The following LIMS2 variants were observed in gnomAD, a reference collection of about 807,000 sequenced individuals.
The protein encoded by LIMS2 is LIM zinc finger domain containing 2.
In LIMS2, 30 loss-of-function variants were observed where a neutral mutation model predicts 45.3. That is an observed-to-expected ratio of 0.66 (90% confidence interval 0.50 to 0.90). The LOEUF is 0.90. LIMS2 is among the 40% of genes least tolerant of loss of function. The pLI is 0.00. For synonymous variants in LIMS2, 173 were observed against 188.0 expected, an observed-to-expected ratio of 0.92 and a Z score of 0.65; for missense variants, 485 against 468.7, an observed-to-expected ratio of 1.03 and a Z score of -0.32.
chr2:127,654,451 T>C lies in LIMS2; in HGVS notation c.332A>G (p.Asp111Gly). 1 of 1,614,100 alleles carries C rather than the reference T, an allele frequency of 6.2e-7. No individual in the cohort carries two copies. Among genetic ancestry groups the C allele is most frequent in the Non-Finnish European group, 8.5e-7 (1 of 1,179,988 alleles). The change falls in exon 4 of 10, where the codon GAC becomes GGC. Residue 111 changes from aspartate to glycine, a missense_variant. Asp to Gly is a moderately conservative substitution (Grantham distance 94). Transcript: ENST00000355119. Reference sequence around the variant, plus strand: ...GCCGGCATTCTTCACAAAGCCCAGGTCAGCCAGCTCCACATCACACAGCTC... The same window carrying C: ...GCCGGCATTCTTCACAAAGCCCAGGCCAGCCAGCTCCACATCACACAGCTC... Reference protein sequence around the residue: ...RCELCDVELADLGFVKNAGRH... With the variant: ...RCELCDVELAGLGFVKNAGRH...
upstream of LIMS2, among the ~76,000 whole-genome samples, chr2:127,676,823 C>T (rs890631025): frequency 2.6e-5 from 4 of 152,146 alleles, no homozygotes; most frequent in East Asian, 1.9e-4. Context: ...ATGCTGGGGC[C>T]GTGCACCAGA....
intron 1 of LIMS2, among the ~76,000 whole-genome samples, chr2:127,660,674 A>G (rs553941757): frequency 6.6e-6 from 1 of 151,188 alleles, no homozygotes; most frequent in East Asian, 1.9e-4. Flanking sequence ...TGTAACACTC[A>G]CCGTGAGGGT....
chr2:127,675,288 T>TGGGGGC lies in LIMS2; in HGVS notation c.-265_-264insGCCCCC, dbSNP rs1271965232. On this transcript the variant is annotated 5_prime_UTR_variant, in exon 1 of 10. Transcript: ENST00000355119. ...CGGTGGGAGGTTGCGGGAGTATAGG[T>TGGGGGC]GGGGGTGGGGGTGGCAGGTGGGGGT... 1 of 73,294 alleles carries TGGGGGC rather than the reference T, an allele frequency of 1.4e-5. No individual in the cohort carries two copies. Among genetic ancestry groups the TGGGGGC allele is most frequent in the Admixed American group, 1.3e-4 (1 of 7,568 alleles). 4.5% of individuals were successfully genotyped at this position (73,294 alleles called of 1,614,324 possible).
At chr2:127,673,546 G>A (rs1685367871) in intron 1 of LIMS2, 1 of 899,326 alleles carries the variant, frequency 1.1e-6, no homozygotes, top group Non-Finnish European at 1.7e-6. Flanking sequence ...AAGGCCCAAG[G>A]GACTCAGGGG....
Position 127,653,981 on chromosome 2 carries a change from T to C in LIMS2, c.359+443A>G, listed in dbSNP as rs868852023. 6.6e-6 allele frequency among the ~76,000 whole-genome samples: 1 copy of C among 151,790 alleles called. No individual in the cohort carries two copies. Among genetic ancestry groups the C allele is most frequent in the African/African-American group, 2.4e-5 (1 of 41,286 alleles). The stretch of plus-strand genomic sequence containing the variant: ...AGGTGGGAGACAAGGCCACCTGCTA[T>C]AGGGACAGTGCTTGGGAAGGGAGGA... On this transcript the variant is annotated intron_variant, in intron 4 of 9. Transcript: ENST00000355119. The surrounding 1 kb of genome is among the most constrained non-coding windows in gnomAD (Gnocchi z 5.3).
At chr2:127,646,697 G>C (rs751000754) in intron 4 of LIMS2, 1 of 152,594 alleles carries the variant, frequency 6.6e-6, no homozygotes, top group Admixed American at 6.5e-5. Flanking sequence ...CTAGATGCTC[G>C]ACTCACCCAC....
chr2:127,653,160 C>T lies in LIMS2; in HGVS notation c.359+1264G>A, dbSNP rs1252468394. Among the ~76,000 whole-genome samples, 2 of 152,196 alleles carry T rather than the reference C, an allele frequency of 1.3e-5. No homozygotes were observed. Among genetic ancestry groups the T allele is most frequent in the African/African-American group, 4.8e-5 (2 of 41,440 alleles). ...GGGCCGGACGCCAGGCCCCAGGCCA[C>T]GTGCCTCTCTCACGGGCAGCACACG... On this transcript the variant is annotated intron_variant, in intron 4 of 9. Transcript: ENST00000355119. This position sits in a 1 kb window ranked among gnomAD's most constrained non-coding sequence, Gnocchi z 5.3.
At chr2:127,650,922 G>A (rs143816482) in intron 4 of LIMS2, 276 of 1,614,014 alleles carry the variant, frequency 1.7e-4, no homozygotes, top group Non-Finnish European at 2.1e-4. Flanking sequence ...CCACAAGTCC[G>A]GGACCCCGGC....
Position 127,653,470 on chromosome 2 carries a change from G to A in LIMS2, c.359+954C>T, listed in dbSNP as rs1684004328. On this transcript the variant is annotated intron_variant, in intron 4 of 9. Transcript: ENST00000355119. This position sits in a 1 kb window ranked among gnomAD's most constrained non-coding sequence, Gnocchi z 5.3. ...GAGAGAGAGGCCTGAAGTGGAGCCT[G>A]GAATTCTCCAGACACATGTGCCATT... 2.6e-5 allele frequency among the ~76,000 whole-genome samples: 4 copies of A among 152,154 alleles called. No individual in the cohort carries two copies. The South Asian group carries it at 8.3e-4, about 32-fold the overall frequency.
In LIMS2 at chr2:127,641,004, G is replaced by A. The variant is rs192426117; in HGVS notation, c.661-16C>T. 318 of 1,611,644 alleles carry A rather than the reference G, an allele frequency of 2.0e-4. 4 individuals carry two copies. The African/African-American group carries it at 3.9e-3, about 20-fold the overall frequency. On this transcript the variant is annotated splice_polypyrimidine_tract_variant and intron_variant, in intron 6 of 9. Transcript: ENST00000355119. ...AGACAAAGTGCTGCAAGGACAAAGG[G>A]CGGGCCGGGTGGCATCAGGGCTAGA...
intron 1 of LIMS2, among the ~76,000 whole-genome samples, chr2:127,662,176 C>T (rs1298354247): frequency 2.6e-5 from 4 of 152,220 alleles, no homozygotes; most frequent in Non-Finnish European, 5.9e-5. Flanking sequence ...ACCTGCAGCA[C>T]AGGACTCTGA....
rs1213543713 is a variant in LIMS2 at position 127,664,409 on chromosome 2, A to AGGTCGC, written c.12-6853_12-6848dup. ...GCCATGGCGCGGGGCAGCCGCCTTG[A>AGGTCGC]GGTCGCGGGCGCGGGCCGCCTGGTG... On this transcript the variant is annotated intron_variant, in intron 1 of 9. Transcript: ENST00000355119. The surrounding 1 kb of genome is among the most constrained non-coding windows in gnomAD (Gnocchi z 5.5). The AGGTCGC allele has an allele frequency of 8.4e-7, 1 of 1,197,232 alleles. No homozygotes were observed. Among genetic ancestry groups the AGGTCGC allele is most frequent in the East Asian group, 3.5e-5 (1 of 28,414 alleles). The allele number at this position is 1,197,232 out of a possible 1,614,324, so 74.2% of individuals were successfully genotyped here. A position where few individuals can be genotyped will look rare whatever the true frequency, so the allele number is the denominator to read the frequency against.
At chr2:127,676,662 G>A (rs1024892779), upstream of LIMS2, among the ~76,000 whole-genome samples, 1 of 152,076 alleles carries the variant, frequency 6.6e-6, no homozygotes, top group Non-Finnish European at 1.5e-5. Context: ...CGACTGTCTC[G>A]AGTTATTACT....
rs1008060407 is a variant in LIMS2, at chr2:127,672,739, C to T, written c.11+2275G>A. Reference sequence around the variant, plus strand: ...CACCCATGGGTTCATCTGCAGACAGCATGGCCACACATGCCACTCCAGGTC... The same window carrying T: ...CACCCATGGGTTCATCTGCAGACAGTATGGCCACACATGCCACTCCAGGTC... On this transcript the variant is annotated intron_variant, in intron 1 of 9. Coordinates refer to ENST00000355119, the MANE Select transcript of LIMS2 (RefSeq NM_001161403.3). This position sits in a 1 kb window ranked among gnomAD's most constrained non-coding sequence, Gnocchi z 4.9. Among the ~76,000 whole-genome samples, 4 of 152,240 alleles carry T rather than the reference C, an allele frequency of 2.6e-5. No homozygotes were observed. The highest frequency in any genetic ancestry group is 9.6e-5 in the African/African-American group (4 of 41,470).
At position 127,642,914 on chromosome 2, in the gene LIMS2, C is replaced by T. The variant is rs886038642; in HGVS notation, c.509+9G>A. The T allele has an allele frequency of 9.6e-6, 15 of 1,556,952 alleles. No individual in the cohort carries two copies. The highest frequency in any genetic ancestry group is 3.9e-5 in the Admixed American group (2 of 51,792). Reference sequence around the variant, plus strand: ...CCCCCACAACTGCAGGGCCGGGCTGCGCACCTACCCACAGTGGGTGCAGTT... The same window carrying T: ...CCCCCACAACTGCAGGGCCGGGCTGTGCACCTACCCACAGTGGGTGCAGTT... On this transcript the variant is annotated intron_variant, in intron 5 of 9. Transcript: ENST00000355119. This position sits in a 1 kb window ranked among gnomAD's most constrained non-coding sequence, Gnocchi z 5.3.
chr2:127,651,554 C>T, intron 4 of LIMS2: 7 of 1,612,686 alleles, frequency 4.3e-6, no homozygotes, highest in Non-Finnish European at 5.9e-6. Flanking sequence ...CCACCCAGCG[C>T]ATCCTGGCCC....
In LIMS2 at chr2:127,642,236, G is replaced by C. The variant is rs766675631; in HGVS notation, c.510-37C>G. The C allele has an allele frequency of 6.8e-7, 1 of 1,477,338 alleles. No individual in the cohort carries two copies. The highest frequency in any genetic ancestry group is 1.4e-5 in the South Asian group (1 of 73,530). 91.5% of individuals were successfully genotyped at this position (1,477,338 alleles called of 1,614,324 possible). A position where few individuals can be genotyped will look rare whatever the true frequency, so the allele number is the denominator to read the frequency against. ...CGTGCAGCCCCCAGGTGCCACCCCT[G>C]CCCTTCTGCAGGGTCATGCCAGCAG... is the stretch of plus-strand genomic sequence containing the variant. On this transcript the variant is annotated intron_variant, in intron 5 of 9. Coordinates refer to ENST00000355119, the MANE Select transcript of LIMS2 (RefSeq NM_001161403.3). This position sits in a 1 kb window ranked among gnomAD's most constrained non-coding sequence, Gnocchi z 5.3.
In LIMS2 at chr2:127,643,065, A is replaced by G; in HGVS notation, c.367T>C (p.Cys123Arg). The change falls in exon 5 of 10, where the codon TGC (cysteine) becomes CGC (arginine). Residue 123 changes from cysteine to arginine, a missense_variant. Physicochemically the swap from Cys to Arg is radical, Grantham distance 180. Transcript: ENST00000355119. ...GFVKNAGRHL[C>R]RPCHNREKAK... ...TTCTCACGGTTGTGGCAAGGCCGGC[A>G]GAGATGCCTGCGGGAGGCGGGGGCA... is the stretch of plus-strand genomic sequence containing the variant. 1 of 1,579,100 alleles carries G rather than the reference A, an allele frequency of 6.3e-7. No individual in the cohort carries two copies. Among genetic ancestry groups the G allele is most frequent in the Non-Finnish European group, 8.6e-7 (1 of 1,163,534 alleles).
chr2:127,666,008 A>C (rs907656408), intron 1 of LIMS2, among the ~76,000 whole-genome samples: 5 of 152,242 alleles, frequency 3.3e-5, no homozygotes, highest in Non-Finnish European at 7.3e-5. Context: ...AGAGAGGCTT[A>C]GAGTCTGATT....
Sources: gnomAD v4.1 joint callset for allele counts (sites outside exome capture counted in the v4.1 genomes callset) on GRCh38, gnomAD v4.1.1 for gene constraint, Gnocchi (gnomAD v3.1) non-coding constraint, MANE v1.5 for transcripts, NCBI Gene and HGNC (gene_info 2026-07-23, HGNC 2026-07-21) for gene names.